ERICH1: variants seen among roughly 807,000 people sequenced by gnomAD.
ERICH1 encodes the protein glutamate-rich protein 1.
A neutral mutation model predicts 39.6 loss-of-function variants in ERICH1; 56 were observed. The observed-to-expected ratio is 1.41, with a 90% CI of 1.14 to 1.77. ERICH1 has a LOEUF of 1.77. Ranked by LOEUF, ERICH1 falls within the 40% of genes most tolerant of loss-of-function variation. The pLI is 0.00. For missense variants in ERICH1, 826 were observed against 575.4 expected, an observed-to-expected ratio of 1.44 and a Z score of -4.45; for synonymous variants, 313 against 223.6, an observed-to-expected ratio of 1.40 and a Z score of -3.57.
chr8:629,575 C>A (rs1484318047), intron 3 of ERICH1, among the ~76,000 whole-genome samples: 1 of 148,218 alleles, frequency 6.7e-6, no homozygotes, highest in Admixed American at 6.7e-5. Flanking sequence ...GACTCACACC[C>A]GCCGGTGACC....
rs375108896 is a variant in ERICH1 at position 651,009 on chromosome 8, G to A, written c.976+17589C>T. On this transcript the variant is annotated intron_variant, in intron 3 of 3. Coordinates refer to the ERICH1 transcript ENST00000522706. ...AAGCCAGGCAGAACACCCCTCGTTCGTCCACGATAGAGCTCTAGTCTTGCA... is the reference window on the plus strand; with the variant it reads ...AAGCCAGGCAGAACACCCCTCGTTCATCCACGATAGAGCTCTAGTCTTGCA... Among the ~76,000 whole-genome samples the A allele has an allele frequency of 2.0e-5, 3 of 152,206 alleles. No individual in the cohort carries two copies. The East Asian group carries it at 5.8e-4, about 29-fold the overall frequency.
Position 664,573 on chromosome 8 carries a change from G to C in ERICH1, c.*30C>G. ...TTGTCTTTTAAGTTTTTTTGTTAAAGAGGAGCTGTTCTTAAAGAGATATTC... is the reference window on the plus strand; with the variant it reads ...TTGTCTTTTAAGTTTTTTTGTTAAACAGGAGCTGTTCTTAAAGAGATATTC... On this transcript the variant is annotated 3_prime_UTR_variant, in exon 6 of 6. Transcript: ENST00000262109. 7 of 1,582,590 alleles carry C rather than the reference G, an allele frequency of 4.4e-6. No individual in the cohort carries two copies. Among genetic ancestry groups the C allele is most frequent in the Non-Finnish European group, 6.0e-6 (7 of 1,166,792 alleles).
intron 3 of ERICH1, among the ~76,000 whole-genome samples, chr8:677,343 G>A (rs924601103): frequency 1.5e-4 from 23 of 152,212 alleles, no homozygotes; most frequent in Non-Finnish European, 2.6e-4. Flanking sequence ...CCGCTTTGTG[G>A]AAGAGAGTTC....
chr8:690,140 C>T (rs544519316), intron 3 of ERICH1, among the ~76,000 whole-genome samples: 1 of 152,264 alleles, frequency 6.6e-6, no homozygotes, highest in Non-Finnish European at 1.5e-5. Flanking sequence ...ACCCATTAAC[C>T]CAGGTGGCAG....
intron 3 of ERICH1, among the ~76,000 whole-genome samples, chr8:681,198 C>T (rs1258101977): frequency 6.6e-6 from 1 of 152,188 alleles, no homozygotes; most frequent in Admixed American, 6.5e-5. Context: ...CCCAAATCGC[C>T]ACGCCCAGAG....
chr8:642,118 A>T (rs1466398865), intron 3 of ERICH1, among the ~76,000 whole-genome samples: 1 of 152,152 alleles, frequency 6.6e-6, no homozygotes, highest in African/African-American at 2.4e-5. Flanking sequence ...GAGCACATGC[A>T]AAAAGGGGCG....
At chr8:721,219 T>A (rs147543602) in intron 1 of ERICH1, among the ~76,000 whole-genome samples, 1 of 152,224 alleles carries the variant, frequency 6.6e-6, no homozygotes, top group Non-Finnish European at 1.5e-5. Context: ...TGTCTAAATA[T>A]TTACAGCTGC....
chr8:697,523 C>T (rs1389567670), intron 2 of ERICH1, among the ~76,000 whole-genome samples: 1 of 152,184 alleles, frequency 6.6e-6, no homozygotes, highest in Non-Finnish European at 1.5e-5. Context: ...GGTCCCCAGC[C>T]CCAGGCGACC....
At position 616,912 on chromosome 8, in the gene ERICH1, GAGAGAGAC is replaced by G. The variant is rs1796949039; in HGVS notation, c.977-1636_977-1629del. Reference sequence around the variant, plus strand: ...AGACACACACACACACAGAGAGAGAGAGAGAGACAGAAAGAGACAGAGAGAGAGAGGGA... The same window carrying G: ...AGACACACACACACACAGAGAGAGAGAGAAAGAGACAGAGAGAGAGAGGGA... On this transcript the variant is annotated intron_variant, in intron 3 of 3. Coordinates refer to the ERICH1 transcript ENST00000522706. Among the ~76,000 whole-genome samples, 24 of 51,146 alleles carry G rather than the reference GAGAGAGAC, an allele frequency of 4.7e-4. 2 individuals carry two copies. Among genetic ancestry groups the G allele is most frequent in the Admixed American group, 3.3e-3 (15 of 4,514 alleles). The allele number at this position is 51,146 out of a possible 152,430, so 33.6% of individuals were successfully genotyped here.
intron 3 of ERICH1, among the ~76,000 whole-genome samples, chr8:650,724 G>A (rs1192864138): frequency 1.3e-5 from 2 of 152,192 alleles, no homozygotes; most frequent in Non-Finnish European, 2.9e-5. Flanking sequence ...CAGCCACCCC[G>A]CAGCACACGC....
chr8:727,098 G>A (rs1374514130), intron 1 of ERICH1, among the ~76,000 whole-genome samples: 1 of 150,364 alleles, frequency 6.7e-6, no homozygotes, highest in Non-Finnish European at 1.5e-5. Context: ...CACCACAAAG[G>A]CACACACATG....
intron 2 of ERICH1, among the ~76,000 whole-genome samples, chr8:699,898 C>G (rs1298610512): frequency 1.5e-5 from 2 of 133,240 alleles, no homozygotes; most frequent in Admixed American, 1.5e-4. Context: ...CACACGCGCA[C>G]AGACCCGCAC....
At chr8:633,346 C>T (rs1419773630) in intron 3 of ERICH1, among the ~76,000 whole-genome samples, 3 of 152,142 alleles carry the variant, frequency 2.0e-5, no homozygotes, top group African/African-American at 7.2e-5. Context: ...GATCAGGATG[C>T]ACTTGTATGA....
intron 3 of ERICH1, among the ~76,000 whole-genome samples, chr8:641,429 G>A (rs1217043258): frequency 6.6e-6 from 1 of 152,194 alleles, no homozygotes; most frequent in Non-Finnish European, 1.5e-5. Flanking sequence ...GTCCCCTTAA[G>A]TAGAAATCTT....
At chr8:643,470 C>A (rs917644368) in intron 3 of ERICH1, among the ~76,000 whole-genome samples, 1 of 152,078 alleles carries the variant, frequency 6.6e-6, no homozygotes, top group Admixed American at 6.5e-5. Flanking sequence ...GGGGATAGGA[C>A]TGTCACGGTG....
chr8:689,368 C>A (rs981133896), intron 3 of ERICH1, among the ~76,000 whole-genome samples: 4 of 152,252 alleles, frequency 2.6e-5, no homozygotes, highest in Non-Finnish European at 4.4e-5. Flanking sequence ...GCCTTGGCCT[C>A]CCAAAGTGCT....
At chr8:710,355 G>A (rs1478517039) in intron 2 of ERICH1, among the ~76,000 whole-genome samples, 3 of 150,704 alleles carry the variant, frequency 2.0e-5, no homozygotes, top group Non-Finnish European at 4.4e-5. Flanking sequence ...CCCAGTCCTC[G>A]GCATCGTACG....
chr8:686,472 CA>C (rs1229174743), intron 3 of ERICH1, among the ~76,000 whole-genome samples: 1 of 151,274 alleles, frequency 6.6e-6, no homozygotes, highest in Non-Finnish European at 1.5e-5. Flanking sequence ...AAAACAAAAA[CA>C]AAAACCATGT....
intron 2 of ERICH1, among the ~76,000 whole-genome samples, chr8:695,145 T>A (rs1233075730): frequency 2.0e-5 from 3 of 151,892 alleles, no homozygotes; most frequent in Non-Finnish European, 4.4e-5. Flanking sequence ...TCCCCTCAGC[T>A]CCTCTGGGCT....
Sources: gnomAD v4.1 joint callset for allele counts (sites outside exome capture counted in the v4.1 genomes callset) on GRCh38, gnomAD v4.1.1 for gene constraint, MANE v1.5 for transcripts, NCBI Gene and HGNC (gene_info 2026-07-23, HGNC 2026-07-21) for gene names.